ANKRD11: variants seen among roughly 807,000 people sequenced by gnomAD.
The protein encoded by ANKRD11 is ankyrin repeat domain 11.
Under a neutral mutation model 195.7 loss-of-function variants are expected in ANKRD11, and 17 were observed. The ratio of observed to expected loss-of-function variants is 0.09; its 90% CI spans 0.06 to 0.13. The LOEUF is 0.13. Ranked by LOEUF, ANKRD11 falls within the 10% of genes least tolerant of loss-of-function variation. The probability of loss-of-function intolerance (pLI) is 1.00; values close to 1 mark genes in which losing one functional copy is unlikely to be tolerated. For missense variants in ANKRD11, 3,735 were observed against 3,566.1 expected (o/e 1.05, Z -1.21); for synonymous variants, 1,953 against 1,528.1 (o/e 1.28, Z -6.49).
chr16:89,274,616 C>T (rs1366653071), intron 11 of ANKRD11, 198 bp downstream of exon 11: 4 of 773,766 alleles, frequency 5.2e-6, no homozygotes, highest in Admixed American at 4.5e-5. Context: ...GGGGAGCTGT[C>T]TGCTGTCTGC....
chr16:89,323,200 A>G, intron 2 of ANKRD11: 1 of 745,676 alleles, frequency 1.3e-6, no homozygotes, highest in Non-Finnish European at 2.0e-6. Flanking sequence ...CAGGGAGAGA[A>G]GTCTCCAACG....
chr16:89,274,605 C>T (rs913629501), intron 11 of ANKRD11: 38 of 702,252 alleles, frequency 5.4e-5, no homozygotes, highest in Admixed American at 4.1e-4. Context: ...CTTGCCCGTG[C>T]GGGGAGCTGT....
chr16:89,354,828 A>T (rs1415432903), intron 2 of ANKRD11, among the ~76,000 whole-genome samples: 2 of 151,740 alleles, frequency 1.3e-5, no homozygotes, highest in Admixed American at 6.6e-5. Flanking sequence ...CGGAGGTTGC[A>T]GTGAGCCGAG....
Position 89,486,907 on chromosome 16 carries a change from G to A in ANKRD11, c.-145+3338C>T, listed in dbSNP as rs189218723. 4.6e-5 allele frequency among the ~76,000 whole-genome samples: 7 copies of A among 151,882 alleles called. No homozygotes were observed. The East Asian group carries it at 1.4e-3, about 29-fold the overall frequency. ...GTCTGTAATCCCAGCTACTTGGGAG[G>A]CTGAGGCAGGAGAATTGCTTAAACC... On this transcript the variant is annotated intron_variant, in intron 1 of 12. Transcript: ENST00000301030.
At chr16:89,382,337 T>TATA (rs200805935) in intron 2 of ANKRD11, among the ~76,000 whole-genome samples, 2,549 of 149,720 alleles carry the variant, frequency 0.017, 33 homozygotes, top group African/African-American at 0.04. Context: ...ATATATATAT[T>TATA]TTTTTAAAGA....
At chr16:89,346,312 G>C (rs2038939271) in intron 2 of ANKRD11, among the ~76,000 whole-genome samples, 1 of 150,160 alleles carries the variant, frequency 6.7e-6, no homozygotes, top group Non-Finnish European at 1.5e-5. Context: ...CCACGGAGCA[G>C]ATATTAAAGT....
At chr16:89,427,591 G>C (rs2042768558) in intron 1 of ANKRD11, among the ~76,000 whole-genome samples, 1 of 152,186 alleles carries the variant, frequency 6.6e-6, no homozygotes, top group Non-Finnish European at 1.5e-5. Flanking sequence ...GATGTCAGGA[G>C]TTTGAGACCA....
chr16:89,338,669 G>A (rs2038499806), intron 2 of ANKRD11, among the ~76,000 whole-genome samples: 1 of 135,322 alleles, frequency 7.4e-6, no homozygotes. Context: ...AGGTTGCAGT[G>A]AGCCAAGATC....
At chr16:89,489,604 G>A (rs939561298) in intron 1 of ANKRD11, among the ~76,000 whole-genome samples, 1 of 151,816 alleles carries the variant, frequency 6.6e-6, no homozygotes, top group Non-Finnish European at 1.5e-5. Flanking sequence ...TAACAACTAC[G>A]ACCAGCACGG....
chr16:89,365,900 C>T (rs1387204291), intron 2 of ANKRD11, among the ~76,000 whole-genome samples: 1 of 152,068 alleles, frequency 6.6e-6, no homozygotes, highest in African/African-American at 2.4e-5. Flanking sequence ...TCTGCTGGTC[C>T]CTCTCTGTGT....
chr16:89,406,364 G>C (rs546376670), intron 2 of ANKRD11, among the ~76,000 whole-genome samples: 1 of 152,058 alleles, frequency 6.6e-6, no homozygotes, highest in African/African-American at 2.4e-5. Context: ...CCTGGGCCTC[G>C]GCCACACTCC....
At chr16:89,334,144 TAAAAAAAA>T (rs869142504) in intron 2 of ANKRD11, among the ~76,000 whole-genome samples, 3 of 41,410 alleles carry the variant, frequency 7.2e-5, no homozygotes, top group African/African-American at 2.9e-4. Flanking sequence ...CCCTGTGTTT[TAAAAAAAA>T]AAAAAAAAAA....
chr16:89,406,294 C>G (rs556511267), intron 2 of ANKRD11, among the ~76,000 whole-genome samples: 3 of 152,124 alleles, frequency 2.0e-5, no homozygotes, highest in African/African-American at 7.2e-5. Context: ...CTCAGGCCAA[C>G]GGCACTGACA....
intron 3 of ANKRD11, among the ~76,000 whole-genome samples, chr16:89,314,225 C>T (rs1315067690): frequency 6.6e-6 from 1 of 151,962 alleles, no homozygotes; most frequent in Non-Finnish European, 1.5e-5. Context: ...CTGCACTCCA[C>T]CCTGGGTGAC....
intron 4 of ANKRD11, among the ~76,000 whole-genome samples, chr16:89,302,586 T>A (rs878893204): frequency 6.6e-6 from 1 of 152,270 alleles, no homozygotes; most frequent in Middle Eastern, 3.4e-3. Context: ...CTGGTTAAAA[T>A]GCAAGCTTCT....
intron 4 of ANKRD11, 146 bp downstream of exon 4, chr16:89,305,060 C>G: frequency 7.7e-7 from 1 of 1,290,402 alleles, no homozygotes; most frequent in Non-Finnish European, 1.1e-6. Context: ...GTGCTCCGCC[C>G]CTGCTGCCTC....
intron 1 of ANKRD11, among the ~76,000 whole-genome samples, chr16:89,461,741 T>G (rs183574197): frequency 1.3e-5 from 2 of 152,336 alleles, no homozygotes; most frequent in Non-Finnish European, 2.9e-5. Flanking sequence ...CTGAACTTCA[T>G]CTTCTAAATA....
In ANKRD11 at chr16:89,281,023, G is replaced by A. The variant is rs139088883; in HGVS notation, c.5519C>T (p.Ala1840Val). ...TGGCGACAAGCAGGCAAACTTCTCC[G>A]CGGGAACCGGGGGCAGGGGCGCCCT... ...EDRAPLPPVPAEKFACLSPGY... is the reference protein window; with the variant it reads ...EDRAPLPPVPVEKFACLSPGY... Residue 1840 changes from alanine to valine, a missense_variant, in exon 9 of 13, where the codon GCG (alanine) becomes GTG (valine). Transcript: ENST00000301030. The surrounding 1 kb of genome is among the most constrained non-coding windows in gnomAD (Gnocchi z 5.5). 112 of 1,593,164 alleles carry A rather than the reference G, an allele frequency of 7.0e-5. No individual in the cohort carries two copies. Among genetic ancestry groups the A allele is most frequent in the East Asian group, 2.5e-4 (11 of 44,594 alleles).
intron 2 of ANKRD11, among the ~76,000 whole-genome samples, chr16:89,411,155 G>A (rs959998494): frequency 5.3e-5 from 8 of 152,262 alleles, no homozygotes; most frequent in Non-Finnish European, 1.2e-4. Flanking sequence ...TCGGGCCCAC[G>A]CTGGCTGTCC....
Sources: allele counts gnomAD v4.1 joint callset (sites outside exome capture counted in the v4.1 genomes callset), GRCh38; gene constraint gnomAD v4.1.1; non-coding constraint Gnocchi (gnomAD v3.1); transcripts MANE v1.5; gene names NCBI Gene and HGNC (gene_info 2026-07-23, HGNC 2026-07-21).